SLC9B1: variants seen among roughly 807,000 people sequenced by gnomAD.
The protein encoded by SLC9B1 is sodium/hydrogen exchanger 9B1.
A neutral mutation model predicts 51.7 loss-of-function variants in SLC9B1; 32 were observed. The observed-to-expected ratio is 0.62, with a 90% CI of 0.47 to 0.83. SLC9B1 has a LOEUF of 0.83. SLC9B1 is among the 40% of genes least tolerant of loss of function. The pLI, the probability that SLC9B1 is intolerant of heterozygous loss-of-function variation, is 0.00. For synonymous variants in SLC9B1, 145 were observed against 212.7 expected, an observed-to-expected ratio of 0.68 and a Z score of 2.77; for missense variants, 406 against 613.2, an observed-to-expected ratio of 0.66 and a Z score of 3.57.
intron 1 of SLC9B1, 109 bp from the exon 2 acceptor site, chr4:102,991,821 AGTT>A (rs1479853625): frequency 1.4e-6 from 1 of 693,604 alleles, no homozygotes; most frequent in Non-Finnish European, 2.3e-6. Context: ...TTTGTTCTAA[AGTT>A]GTATCACAGT....
chr4:102,991,717 G>A lies in SLC9B1; in HGVS notation c.-1-5C>T. Reference sequence around the variant, plus strand: ...TTTGATTCTGTGGTATGCATGCTAAGATTTAAAAGAAAAATACTTTAAAAG... The same window carrying A: ...TTTGATTCTGTGGTATGCATGCTAAAATTTAAAAGAAAAATACTTTAAAAG... On this transcript the variant is annotated splice_region_variant and splice_polypyrimidine_tract_variant and intron_variant, in intron 1 of 11. Transcript: ENST00000296422. The A allele has an allele frequency of 6.4e-7, 1 of 1,553,588 alleles. No individual in the cohort carries two copies. Among genetic ancestry groups the A allele is most frequent in the Non-Finnish European group, 8.7e-7 (1 of 1,146,430 alleles).
chr4:103,012,523 G>T (rs1212673699), intron 1 of SLC9B1, among the ~76,000 whole-genome samples: 1 of 152,158 alleles, frequency 6.6e-6, no homozygotes, highest in African/African-American at 2.4e-5. Context: ...TTTCTAGGAG[G>T]CACTTCACAA....
intron 6 of SLC9B1, among the ~76,000 whole-genome samples, chr4:102,934,307 T>C (rs566812714): frequency 1.3e-5 from 2 of 152,086 alleles, no homozygotes; most frequent in East Asian, 1.9e-4. Context: ...ACAAAATAAA[T>C]TGGAAGAAAA....
At chr4:102,975,589 T>TTTTTTTA (rs1560963415) in intron 3 of SLC9B1, among the ~76,000 whole-genome samples, 1 of 113,816 alleles carries the variant, frequency 8.8e-6, no homozygotes, top group Non-Finnish European at 1.8e-5. Context: ...TATATATATT[T>TTTTTTTA]TTTTTTTTTT....
intron 6 of SLC9B1, among the ~76,000 whole-genome samples, chr4:102,940,368 A>G (rs1736929948): frequency 1.3e-5 from 2 of 152,186 alleles, no homozygotes; most frequent in Admixed American, 1.3e-4. Context: ...ACAGAAACAA[A>G]AGGAAAACAT....
chr4:103,007,123 AGAACAATCAG>A (rs1387360114), intron 1 of SLC9B1, among the ~76,000 whole-genome samples: 1 of 152,234 alleles, frequency 6.6e-6, no homozygotes, highest in Non-Finnish European at 1.5e-5. Context: ...AGTTCTAGCC[AGAACAATCAG>A]GCAGGAGAAA....
chr4:102,903,485 A>G (rs531416573), intron 11 of SLC9B1, among the ~76,000 whole-genome samples: 2 of 152,364 alleles, frequency 1.3e-5, no homozygotes, highest in South Asian at 2.1e-4. Context: ...AGATGAGAAC[A>G]CTGAAGGACT....
At chr4:102,918,099 A>C (rs1432600394) in intron 7 of SLC9B1, among the ~76,000 whole-genome samples, 1 of 150,820 alleles carries the variant, frequency 6.6e-6, no homozygotes, top group Non-Finnish European at 1.5e-5. Flanking sequence ...GGCTAGAGAA[A>C]AAAAAAACCC....
intron 6 of SLC9B1, among the ~76,000 whole-genome samples, chr4:102,944,749 G>A (rs536718898): frequency 6.6e-6 from 1 of 152,208 alleles, no homozygotes; most frequent in Non-Finnish European, 1.5e-5. Flanking sequence ...TGGATATACG[G>A]CAAGAGTTTT....
rs1209351402 is a variant in SLC9B1 at position 103,019,634 on chromosome 4, G to A, written c.-37C>T. The A allele has an allele frequency of 1.0e-6, 1 of 985,476 alleles. No individual in the cohort carries two copies. The highest frequency in any genetic ancestry group is 1.2e-6 in the Non-Finnish European group (1 of 829,976). The allele number at this position is 985,476 out of a possible 1,614,324, so 61.0% of individuals were successfully genotyped here. A position where few individuals can be genotyped will look rare whatever the true frequency, so the allele number is the denominator to read the frequency against. ...TTTCGCAGCCCTCGCTGGCCCGGGA[G>A]CGGCCCAGGAGCCCAGTGACCGTTG... On this transcript the variant is annotated 5_prime_UTR_variant, in exon 1 of 12. Transcript: ENST00000296422.
intron 3 of SLC9B1, among the ~76,000 whole-genome samples, chr4:102,985,062 ATTAT>A (rs1174623847): frequency 1.3e-5 from 2 of 152,218 alleles, no homozygotes; most frequent in Non-Finnish European, 2.9e-5. Context: ...TAACCCTTTT[ATTAT>A]TATGTAATGC....
At position 102,949,304 on chromosome 4, in the gene SLC9B1, A is replaced by G. The variant is rs367947411; in HGVS notation, c.335T>C (p.Leu112Ser). The change falls in exon 4 of 12, where the codon TTA becomes TCA. Residue 112 changes from leucine to serine, a missense_variant. By Grantham distance (145) the Leu-to-Ser change is moderately radical. Around this residue, in one of 6 missense-constraint regions of SLC9B1, gnomAD observed 250 missense variants for 394.1 expected, o/e 0.63. Transcript: ENST00000296422. ...FYSAIIGGKILQLIRIPLVPP... is the reference protein window; with the variant it reads ...FYSAIIGGKISQLIRIPLVPP... ...CACTAAAGGTATTCTAATGAGTTGTAAAATTTTTCCCCCAATAATGGCACT... is the reference window on the plus strand; with the variant it reads ...CACTAAAGGTATTCTAATGAGTTGTGAAATTTTTCCCCCAATAATGGCACT... 3.1e-6 allele frequency: 5 copies of G among 1,608,444 alleles called. No homozygotes were observed. Among genetic ancestry groups the G allele is most frequent in the East Asian group, 2.2e-5 (1 of 44,728 alleles).
intron 1 of SLC9B1, among the ~76,000 whole-genome samples, chr4:103,002,755 A>T (rs1360423282): frequency 1.3e-5 from 2 of 152,104 alleles, no homozygotes; most frequent in African/African-American, 4.8e-5. Flanking sequence ...ATGGTCCTTA[A>T]CTCTCGAGTG....
chr4:102,922,621 G>A (rs1410782902), intron 7 of SLC9B1, among the ~76,000 whole-genome samples: 1 of 152,056 alleles, frequency 6.6e-6, no homozygotes, highest in Non-Finnish European at 1.5e-5. Context: ...TCCAGGAGCT[G>A]GTTTTTTGAA....
intron 11 of SLC9B1, chr4:102,888,599 A>C (rs1433706242): frequency 6.6e-6 from 1 of 152,270 alleles, no homozygotes; most frequent in Non-Finnish European, 1.5e-5. Context: ...TCCTACTATT[A>C]TGAATCTTTT....
rs779360540 is a variant in SLC9B1 at position 102,945,330 on chromosome 4, A to T, written c.526-10T>A. The T allele has an allele frequency of 6.3e-7, 1 of 1,590,944 alleles. No individual in the cohort carries two copies. Among genetic ancestry groups the T allele is most frequent in the South Asian group, 1.2e-5 (1 of 86,860 alleles). On this transcript the variant is annotated splice_polypyrimidine_tract_variant and intron_variant, in intron 5 of 11. Coordinates refer to ENST00000296422, the MANE Select transcript of SLC9B1 (RefSeq NM_139173.4). ...TCAAATGCCTCAAAGCCTGAAACACAAAACAGTCACACTTAGATACATTTA... is the reference window on the plus strand; with the variant it reads ...TCAAATGCCTCAAAGCCTGAAACACTAAACAGTCACACTTAGATACATTTA...
chr4:102,912,492 T>TA (rs954890128), intron 7 of SLC9B1, among the ~76,000 whole-genome samples: 3 of 151,910 alleles, frequency 2.0e-5, no homozygotes, highest in South Asian at 2.1e-4. Flanking sequence ...AAACAAAAAA[T>TA]AAAAAAACAA....
intron 1 of SLC9B1, among the ~76,000 whole-genome samples, chr4:103,005,823 A>G (rs1438828437): frequency 1.3e-5 from 2 of 152,192 alleles, no homozygotes; most frequent in Non-Finnish European, 1.5e-5. Flanking sequence ...CATAGAAATT[A>G]AGCAACCTGT....
chr4:102,976,879 G>A (rs1353505834), intron 3 of SLC9B1, among the ~76,000 whole-genome samples: 1 of 152,136 alleles, frequency 6.6e-6, no homozygotes, highest in Admixed American at 6.6e-5. Flanking sequence ...TGGGTGCAAT[G>A]GCTTATTATC....
Sources: gnomAD v4.1 joint callset for allele counts (sites outside exome capture counted in the v4.1 genomes callset) on GRCh38, gnomAD v4.1.1 for gene constraint, gnomAD v4.1.1 regional missense constraint, MANE v1.5 for transcripts, NCBI Gene and HGNC (gene_info 2026-07-23, HGNC 2026-07-21) for gene names.